Variants in ANKRD12 observed in about 807,000 individuals in gnomAD.
The protein encoded by ANKRD12 is ankyrin repeat domain-containing protein 12.
In ANKRD12, 85 loss-of-function variants were observed where a neutral mutation model predicts 183.4. That is an observed-to-expected ratio of 0.46 (90% confidence interval 0.39 to 0.56). The LOEUF (loss-of-function observed/expected upper bound fraction) is 0.56, where lower values mean the gene tolerates loss of function less well. Among genes scored for constraint, ANKRD12 ranks in the 20% least tolerant of loss-of-function variants. The pLI is 0.00. For missense variants in ANKRD12, 2,405 were observed against 2,357.1 expected (o/e 1.02, Z -0.42); for synonymous variants, 914 against 800.2 (o/e 1.14, Z -2.40).
intron 6 of ANKRD12, 91 bp downstream of exon 6, chr18:9,211,875 G>A: frequency 4.3e-6 from 5 of 1,167,126 alleles, no homozygotes; most frequent in Non-Finnish European, 6.0e-6. Flanking sequence ...TATTCATTTT[G>A]CTGAAATGAA....
chr18:9,231,260 A>C (rs2037028435), intron 8 of ANKRD12, among the ~76,000 whole-genome samples: 4 of 152,268 alleles, frequency 2.6e-5, no homozygotes, highest in African/African-American at 7.2e-5. Context: ...AGTGTCTGTT[A>C]GGTCCTTTGG....
intron 1 of ANKRD12, among the ~76,000 whole-genome samples, chr18:9,166,834 G>A (rs1406731039): frequency 2.6e-5 from 4 of 152,090 alleles, no homozygotes; most frequent in Non-Finnish European, 5.9e-5. Flanking sequence ...TTTCTTCTAG[G>A]GTTTTTATGG....
At chr18:9,177,647 G>A (rs188031339) in intron 1 of ANKRD12, among the ~76,000 whole-genome samples, 51 of 152,054 alleles carry the variant, frequency 3.4e-4, no homozygotes, top group African/African-American at 1.2e-3. Flanking sequence ...GTTAATTATA[G>A]TCACCCTACT....
intron 1 of ANKRD12, among the ~76,000 whole-genome samples, chr18:9,139,458 T>A (rs922689993): frequency 2.6e-5 from 4 of 152,242 alleles, no homozygotes; most frequent in African/African-American, 9.6e-5. Flanking sequence ...AAGTGATTTT[T>A]AAAATATCAT....
chr18:9,272,541 G>A (rs893794977), intron 10 of ANKRD12, among the ~76,000 whole-genome samples: 3 of 151,652 alleles, frequency 2.0e-5, no homozygotes, highest in Non-Finnish European at 2.9e-5. Flanking sequence ...CAGCCTGGAC[G>A]ACAGAGTGGG....
chr18:9,254,757 A>G lies in ANKRD12; in HGVS notation c.1490A>G (p.Asn497Ser). ...AAGCAAGAAAAGGAAGGAAAAGAAA[A>G]TACAAGAATAACAAACTTGACAGTA... is the stretch of plus-strand genomic sequence containing the variant. ...ELKQEKEGKENTRITNLTVNT... is the reference protein window; with the variant it reads ...ELKQEKEGKESTRITNLTVNT... Residue 497 changes from asparagine to serine, a missense_variant, in exon 9 of 13, where the codon AAT becomes AGT. By Grantham distance (46) the Asn-to-Ser change is conservative. Coordinates refer to ENST00000262126, the MANE Select transcript of ANKRD12 (RefSeq NM_015208.5). 6.8e-7 allele frequency: 1 copy of G among 1,473,478 alleles called. No homozygotes were observed. Among genetic ancestry groups the G allele is most frequent in the Non-Finnish European group, 9.0e-7 (1 of 1,112,986 alleles). The allele number at this position is 1,473,478 out of a possible 1,614,324, so 91.3% of individuals were successfully genotyped here. A position where few individuals can be genotyped will look rare whatever the true frequency, so the allele number is the denominator to read the frequency against.
At chr18:9,166,019 T>C (rs1038539302) in intron 1 of ANKRD12, among the ~76,000 whole-genome samples, 1 of 151,858 alleles carries the variant, frequency 6.6e-6, no homozygotes, top group Non-Finnish European at 1.5e-5. Flanking sequence ...TGGTTTCCAG[T>C]TTCATCCATG....
intron 7 of ANKRD12, among the ~76,000 whole-genome samples, chr18:9,217,329 C>G (rs1274573064): frequency 1.3e-5 from 2 of 152,122 alleles, no homozygotes; most frequent in Non-Finnish European, 2.9e-5. Context: ...GCTGTGTAAT[C>G]TTGAACAGGT....
intron 2 of ANKRD12, among the ~76,000 whole-genome samples, chr18:9,193,066 A>G (rs866898195): frequency 2.0e-5 from 3 of 151,070 alleles, no homozygotes; most frequent in Non-Finnish European, 4.4e-5. Flanking sequence ...TTAGTAATCC[A>G]TATATTCCAA....
At chr18:9,277,182 T>C (rs2039881039) in intron 11 of ANKRD12, among the ~76,000 whole-genome samples, 1 of 152,148 alleles carries the variant, frequency 6.6e-6, no homozygotes, top group Non-Finnish European at 1.5e-5. Context: ...AAGCCTGGCA[T>C]GGTGGCACAT....
chr18:9,233,210 G>GT (rs1338336776), intron 8 of ANKRD12, among the ~76,000 whole-genome samples: 1 of 151,776 alleles, frequency 6.6e-6, no homozygotes, highest in Non-Finnish European at 1.5e-5. Context: ...TGTTGTTGAA[G>GT]TTTTTTTAGT....
chr18:9,264,436 A>G (rs2039158846), intron 10 of ANKRD12, among the ~76,000 whole-genome samples: 2 of 152,178 alleles, frequency 1.3e-5, no homozygotes, highest in Non-Finnish European at 2.9e-5. Context: ...ATGTGGTGTA[A>G]ACTATGATCC....
At chr18:9,242,403 G>A (rs1033775719) in intron 8 of ANKRD12, among the ~76,000 whole-genome samples, 1 of 151,668 alleles carries the variant, frequency 6.6e-6, no homozygotes, top group Non-Finnish European at 1.5e-5. Context: ...CTCCATAAAG[G>A]GTACATTTGG....
At position 9,216,803 on chromosome 18, in the gene ANKRD12, T is replaced by C; in HGVS notation, c.698T>C (p.Val233Ala). The change falls in exon 7 of 13, where the codon GTT becomes GCT. Residue 233 changes from valine (V) to alanine (A), a missense_variant. Coordinates refer to ENST00000262126, the MANE Select transcript of ANKRD12 (RefSeq NM_015208.5). ...GCTTGCAATGTTGGATATTACGATGTTGCTAAGATACTTATAGCAGCTGGA... is the reference window on the plus strand; with the variant it reads ...GCTTGCAATGTTGGATATTACGATGCTGCTAAGATACTTATAGCAGCTGGA... ...HEACNVGYYD[V>A]AKILIAAGAD... 6.2e-7 allele frequency: 1 copy of C among 1,613,672 alleles called. No homozygotes were observed. The highest frequency in any genetic ancestry group is 8.5e-7 in the Non-Finnish European group (1 of 1,179,680).
At chr18:9,227,498 C>T (rs1033968735) in intron 8 of ANKRD12, among the ~76,000 whole-genome samples, 2 of 152,174 alleles carry the variant, frequency 1.3e-5, no homozygotes, top group African/African-American at 4.8e-5. Context: ...TTCCAGATTT[C>T]AGGGAAGCTA....
chr18:9,157,550 G>GGTGTGTATGTGT (rs1555707774), intron 1 of ANKRD12, among the ~76,000 whole-genome samples: 63 of 114,586 alleles, frequency 5.5e-4, no homozygotes, highest in African/African-American at 2.3e-3. Flanking sequence ...GGTGTGTGTG[G>GGTGTGTATGTGT]GTGTGTGTGT....
At chr18:9,212,071 T>TA (rs1456144924) in intron 6 of ANKRD12, among the ~76,000 whole-genome samples, 1 of 152,140 alleles carries the variant, frequency 6.6e-6, no homozygotes, top group Admixed American at 6.5e-5. Flanking sequence ...GAATTTGAGT[T>TA]ATATGTTTTC....
intron 2 of ANKRD12, among the ~76,000 whole-genome samples, chr18:9,192,870 G>T (rs957010824): frequency 6.6e-6 from 1 of 151,392 alleles, no homozygotes; most frequent in East Asian, 2.0e-4. Context: ...TTTTTATGGC[G>T]ATGAGGTCTC....
chr18:9,230,043 TGTTA>T (rs1045189356), intron 8 of ANKRD12, among the ~76,000 whole-genome samples: 21 of 152,272 alleles, frequency 1.4e-4, no homozygotes, highest in African/African-American at 5.1e-4. Context: ...AGAAGATTGG[TGTTA>T]GTTCTTCTTT....
Sources: gnomAD v4.1 joint callset for allele counts (sites outside exome capture counted in the v4.1 genomes callset) on GRCh38, gnomAD v4.1.1 for gene constraint, MANE v1.5 for transcripts, NCBI Gene and HGNC (gene_info 2026-07-23, HGNC 2026-07-21) for gene names.